The following CLINT1 variants were observed in gnomAD, a reference collection of about 807,000 sequenced individuals.
CLINT1 encodes the protein clathrin interactor 1.
CLINT1 carries 15 observed loss-of-function variants against 70.4 expected under a neutral mutation model. That is an observed-to-expected ratio of 0.21 (90% CI 0.14 to 0.33). The LOEUF is 0.33. Among genes scored for constraint, CLINT1 ranks in the 10% least tolerant of loss-of-function variants. The pLI, the probability that CLINT1 is intolerant of heterozygous loss-of-function variation, is 1.00. For missense variants in CLINT1, 615 were observed against 778.1 expected (o/e 0.79, Z 2.49); for synonymous variants, 227 against 254.7 (o/e 0.89, Z 1.04).
In CLINT1 at chr5:157,811,100, T is replaced by G. The variant is rs188338713; in HGVS notation, c.518-1295A>C. Among the ~76,000 whole-genome samples, 127 of 152,306 alleles carry G rather than the reference T, an allele frequency of 8.3e-4. 1 individual carries two copies. The Middle Eastern group carries it at 0.01, about 12-fold the overall frequency. On this transcript the variant is annotated intron_variant, in intron 5 of 11. Transcript: ENST00000411809. Reference sequence around the variant, plus strand: ...TATGTACATTTCAACAACAGTGTGATGAACCAGACTTCGGAAAGAAACAAA... The same window carrying G: ...TATGTACATTTCAACAACAGTGTGAGGAACCAGACTTCGGAAAGAAACAAA...
intron 1 of CLINT1, among the ~76,000 whole-genome samples, chr5:157,847,134 C>A (rs772960398): frequency 1.3e-5 from 2 of 152,152 alleles, no homozygotes; most frequent in Non-Finnish European, 2.9e-5. Flanking sequence ...AACTGCCTAG[C>A]TAGTGATTCC....
chr5:157,808,301 G>C (rs938308467), intron 6 of CLINT1, among the ~76,000 whole-genome samples: 2 of 151,992 alleles, frequency 1.3e-5, no homozygotes, highest in Non-Finnish European at 2.9e-5. Context: ...ACACTAATTA[G>C]ATTGTATTTT....
rs1388646990 is a variant in CLINT1 at position 157,786,068 on chromosome 5, T to G, written c.*1578A>C. 6.6e-6 allele frequency: 1 copy of G among 152,212 alleles called. No homozygotes were observed. Among genetic ancestry groups the G allele is most frequent in the African/African-American group, 2.4e-5 (1 of 41,464 alleles). 9.4% of individuals were successfully genotyped at this position (152,212 alleles called of 1,614,324 possible). On this transcript the variant is annotated 3_prime_UTR_variant, in exon 12 of 12. Transcript: ENST00000411809. The stretch of plus-strand genomic sequence containing the variant: ...TGAAGTACATGAATTTCTGCCTAAT[T>G]AGAAATGTTGTAGATGGAACATTAG...
chr5:157,820,146 C>A (rs987533613), intron 1 of CLINT1, among the ~76,000 whole-genome samples: 1 of 152,144 alleles, frequency 6.6e-6, no homozygotes, highest in African/African-American at 2.4e-5. Flanking sequence ...GAAACCAGAT[C>A]TATTAGAAGT....
chr5:157,840,261 A>AC (rs1430727512), intron 1 of CLINT1, among the ~76,000 whole-genome samples: 2 of 151,574 alleles, frequency 1.3e-5, no homozygotes, highest in African/African-American at 2.4e-5. Flanking sequence ...AAAAAAAAAA[A>AC]ACAAAAAACT....
intron 1 of CLINT1, among the ~76,000 whole-genome samples, chr5:157,840,292 C>G (rs537370161): frequency 1.5e-4 from 22 of 147,838 alleles, no homozygotes; most frequent in Non-Finnish European, 3.0e-4. Flanking sequence ...TTCCAAAATG[C>G]CTGTCGTGAA....
chr5:157,823,549 T>A (rs183128126), intron 1 of CLINT1, among the ~76,000 whole-genome samples: 280 of 152,252 alleles, frequency 1.8e-3, no homozygotes, highest in African/African-American at 6.3e-3. Flanking sequence ...AGAGAACAAT[T>A]TAAGTACCCA....
chr5:157,806,904 A>G (rs931445866), intron 6 of CLINT1, among the ~76,000 whole-genome samples: 5 of 152,122 alleles, frequency 3.3e-5, no homozygotes, highest in African/African-American at 1.2e-4. Context: ...AGGAATGAAA[A>G]TATCAGCCCT....
intron 1 of CLINT1, among the ~76,000 whole-genome samples, chr5:157,839,575 C>T (rs194220): frequency 0.56 from 83,530 of 150,162 alleles, 23,660 homozygotes; most frequent in East Asian, 0.79. Flanking sequence ...CACTCCAGCC[C>T]GGGTGACAGA....
In CLINT1 at chr5:157,817,462, G is replaced by A. The variant is rs551554983; in HGVS notation, c.127C>T (p.Leu43Phe). ...NDDPWGPSGQLMGEIAKATFM... is the reference protein window; with the variant it reads ...NDDPWGPSGQFMGEIAKATFM... ...ACTTACTTGGCAATCTCTCCCATGA[G>A]TTGCCCAGAAGGTCCCCAAGGATCA... The change falls in exon 2 of 12, where the codon CTC becomes TTC. Residue 43 changes from leucine (L) to phenylalanine (F), a missense_variant. Around this residue, in one of 2 missense-constraint regions of CLINT1, gnomAD observed 241 missense variants for 368.6 expected, o/e 0.65. Transcript: ENST00000411809. The A allele has an allele frequency of 3.8e-6, 6 of 1,599,836 alleles. No homozygotes were observed. The South Asian group carries it at 5.6e-5, about 15-fold the overall frequency.
intron 1 of CLINT1, among the ~76,000 whole-genome samples, chr5:157,831,032 A>G (rs1345143930): frequency 6.7e-6 from 1 of 149,366 alleles, no homozygotes; most frequent in Non-Finnish European, 1.5e-5. Flanking sequence ...TGACAGAACA[A>G]GACCCTGTCT....
chr5:157,792,343 T>G (rs1470275935), intron 9 of CLINT1, among the ~76,000 whole-genome samples: 1 of 152,062 alleles, frequency 6.6e-6, no homozygotes, highest in East Asian at 1.9e-4. Context: ...GTCAGGAGAT[T>G]GAGACCATCC....
At chr5:157,814,035 T>G in intron 4 of CLINT1, 150 bp downstream of exon 4, 1 of 618,574 alleles carries the variant, frequency 1.6e-6, no homozygotes, top group Admixed American at 2.7e-5. Flanking sequence ...TAATTAATAC[T>G]CTAGGGCCCC....
chr5:157,844,526 C>T (rs534326150), intron 1 of CLINT1, among the ~76,000 whole-genome samples: 1 of 152,292 alleles, frequency 6.6e-6, no homozygotes, highest in East Asian at 1.9e-4. Context: ...CTTACAAGGT[C>T]AGCCAAGATT....
At chr5:157,794,615 A>G (rs1762012832) in intron 9 of CLINT1, among the ~76,000 whole-genome samples, 1 of 152,216 alleles carries the variant, frequency 6.6e-6, no homozygotes, top group Admixed American at 6.5e-5. Context: ...GATGATACAG[A>G]GATACTCACA....
chr5:157,796,860 C>T (rs1762083112), intron 8 of CLINT1, among the ~76,000 whole-genome samples: 1 of 151,904 alleles, frequency 6.6e-6, no homozygotes, highest in Admixed American at 6.6e-5. Context: ...CTCATTTCTT[C>T]ACCACAGATG....
chr5:157,814,997 C>A (rs1762673658), intron 3 of CLINT1, among the ~76,000 whole-genome samples: 1 of 148,578 alleles, frequency 6.7e-6, no homozygotes, highest in Admixed American at 6.8e-5. Flanking sequence ...CGCACCACTG[C>A]ACTCCAGCCT....
chr5:157,815,898 A>G (rs1444864453), intron 3 of CLINT1, among the ~76,000 whole-genome samples: 2 of 152,234 alleles, frequency 1.3e-5, no homozygotes, highest in Non-Finnish European at 2.9e-5. Flanking sequence ...ATTATAATCC[A>G]ATGGGACCAC....
rs888396735 is a variant in CLINT1 at position 157,795,170 on chromosome 5, T to C, written c.1013-198A>G. On this transcript the variant is annotated intron_variant, in intron 8 of 11. Transcript: ENST00000411809. Reference sequence around the variant, plus strand: ...GCTACCATAGACTCTTTTCCCTTCCTCAGTCCTATATCTAGTAAGATAAAT... The same window carrying C: ...GCTACCATAGACTCTTTTCCCTTCCCCAGTCCTATATCTAGTAAGATAAAT... The C allele has an allele frequency of 6.0e-5, 35 of 584,776 alleles. 1 individual carries two copies. The South Asian group carries it at 7.5e-4, about 13-fold the overall frequency. 36.2% of individuals were successfully genotyped at this position (584,776 alleles called of 1,614,324 possible).
Sources: allele counts gnomAD v4.1 joint callset (sites outside exome capture counted in the v4.1 genomes callset), GRCh38; gene constraint gnomAD v4.1.1; regional missense constraint gnomAD v4.1.1; transcripts MANE v1.5; gene names NCBI Gene and HGNC (gene_info 2026-07-23, HGNC 2026-07-21).